Variants in STX1B observed in about 807,000 individuals in gnomAD.
The protein encoded by STX1B is syntaxin 1B, also known as syntaxin-1B.
Under a neutral mutation model 39.4 loss-of-function variants are expected in STX1B, and 7 were observed. The ratio of observed to expected loss-of-function variants is 0.18; its 90% CI spans 0.10 to 0.33. The LOEUF (loss-of-function observed/expected upper bound fraction) is 0.33, where lower values mean the gene tolerates loss of function less well. Ranked by LOEUF, STX1B falls within the 10% of genes least tolerant of loss-of-function variation. STX1B has a pLI of 1.00. For synonymous variants in STX1B, 136 were observed against 144.1 expected, an observed-to-expected ratio of 0.94 and a Z score of 0.40; for missense variants, 198 against 383.2, an observed-to-expected ratio of 0.52 and a Z score of 4.04.
At chr16:30,998,054 T>C (rs941653046) in intron 4 of STX1B, among the ~76,000 whole-genome samples, 4 of 152,210 alleles carry the variant, frequency 2.6e-5, no homozygotes, top group African/African-American at 9.7e-5. Context: ...TGGCCCCTCT[T>C]TCCCAGGGGA....
intron 1 of STX1B, among the ~76,000 whole-genome samples, chr16:31,008,609 G>T (rs1476953282): frequency 2.0e-5 from 3 of 152,136 alleles, no homozygotes; most frequent in Non-Finnish European, 2.9e-5. Flanking sequence ...ACCACTCTGG[G>T]CCTCAGTTTC....
In STX1B at chr16:31,001,642, C is replaced by A. The variant is rs781298505; in HGVS notation, c.31-39G>T. 3 of 1,563,498 alleles carry A rather than the reference C, an allele frequency of 1.9e-6. No homozygotes were observed. Among genetic ancestry groups the A allele is most frequent in the South Asian group, 2.3e-5 (2 of 88,104 alleles). On this transcript the variant is annotated intron_variant, in intron 1 of 9. Coordinates refer to ENST00000215095, the MANE Select transcript of STX1B (RefSeq NM_052874.5). The surrounding 1 kb of genome is among the most constrained non-coding windows in gnomAD (Gnocchi z 5.5). ...AGGCTGAGTCCATGAGCAGGCCCTA[C>A]CTGGGTCCCCAAGGCTGGCTCTCCA...
rs1346516187 is a variant in STX1B, at chr16:30,992,063, A to G, written c.*758T>C. On this transcript the variant is annotated 3_prime_UTR_variant, in exon 10 of 10. Transcript: ENST00000215095. ...AGTGTGGAGGGCTCTATCTGAGAAG[A>G]CCTATCAATACTTCAGGCACATCCT... is the stretch of plus-strand genomic sequence containing the variant. The G allele has an allele frequency of 1.3e-5, 2 of 150,286 alleles. No individual in the cohort carries two copies. The highest frequency in any genetic ancestry group is 4.9e-5 in the African/African-American group (2 of 40,952). 9.3% of individuals were successfully genotyped at this position (150,286 alleles called of 1,614,324 possible). A position where few individuals can be genotyped will look rare whatever the true frequency, so the allele number is the denominator to read the frequency against.
In STX1B at chr16:30,991,152, C is replaced by T. The variant is rs2056555075; in HGVS notation, c.*1669G>A. On this transcript the variant is annotated 3_prime_UTR_variant, in exon 10 of 10. Transcript: ENST00000215095. ...CATCAGTAACATTCCTACAAGTAGC[C>T]CTTTCCTTCCAGGAGGCATTCGTGT... is the stretch of plus-strand genomic sequence containing the variant. 6.5e-6 allele frequency: 1 copy of T among 152,730 alleles called. No individual in the cohort carries two copies. Among genetic ancestry groups the T allele is most frequent in the Non-Finnish European group, 1.5e-5 (1 of 68,080 alleles). 9.5% of individuals were successfully genotyped at this position (152,730 alleles called of 1,614,324 possible).
chr16:31,000,956 C>G lies in STX1B; in HGVS notation c.252G>C (p.Thr84=). Residue 84 remains threonine (T), a synonymous_variant, in exon 4 of 10, where the codon ACG becomes ACC. Transcript: ENST00000215095. ...TCAATTTGGACCGAACCTTGTTGGCCGTCTTCTTGATGTCTGCAGTGAGAT... is the reference window on the plus strand; with the variant it reads ...TCAATTTGGACCGAACCTTGTTGGCGGTCTTCTTGATGTCTGCAGTGAGAT... ...LEDLTADIKK[T]ANKVRSKLKA... 1 of 1,614,112 alleles carries G rather than the reference C, an allele frequency of 6.2e-7. No individual in the cohort carries two copies.
At chr16:30,994,892 C>CTTTTTTTTTTTTTTTTTTTTTTTTT (rs10524041) in intron 7 of STX1B, among the ~76,000 whole-genome samples, 210 of 99,788 alleles carry the variant, frequency 2.1e-3, no homozygotes, top group Middle Eastern at 8.8e-3. Context: ...GTCTCCCCGT[C>CTTTTTTTTTTTTTTTTTTTTTTTTT]TTTTTTTTTT....
Position 31,000,957 on chromosome 16 carries a change from G to T in STX1B, c.251C>A (p.Thr84Lys), listed in dbSNP as rs778653532. The T allele has an allele frequency of 6.2e-7, 1 of 1,614,134 alleles. No individual in the cohort carries two copies. Among genetic ancestry groups the T allele is most frequent in the East Asian group, 2.2e-5 (1 of 44,880 alleles). ...CAATTTGGACCGAACCTTGTTGGCC[G>T]TCTTCTTGATGTCTGCAGTGAGATC... ...LEDLTADIKK[T>K]ANKVRSKLKA... Residue 84 changes from threonine to lysine, a missense_variant, in exon 4 of 10, where the codon ACG becomes AAG. By Grantham distance (78) the Thr-to-Lys change is moderately conservative (BLOSUM62 -1). Transcript: ENST00000215095.
rs1178891042 is a variant in STX1B at position 30,991,190 on chromosome 16, C to T, written c.*1631G>A. ...GAGGCATTCGTGTGATCCCCGCACC[C>T]ATGCCAGCGTGCATGGTTTGTGCCT... is the stretch of plus-strand genomic sequence containing the variant. On this transcript the variant is annotated 3_prime_UTR_variant, in exon 10 of 10. Transcript: ENST00000215095. The T allele has an allele frequency of 2.0e-5, 3 of 152,736 alleles. No individual in the cohort carries two copies. Among genetic ancestry groups the T allele is most frequent in the Admixed American group, 6.5e-5 (1 of 15,290 alleles). 9.5% of individuals were successfully genotyped at this position (152,736 alleles called of 1,614,324 possible).
intron 1 of STX1B, among the ~76,000 whole-genome samples, chr16:31,007,004 G>A (rs906791370): frequency 2.6e-5 from 4 of 152,152 alleles, no homozygotes; most frequent in East Asian, 1.9e-4. Context: ...CCAGCTACTC[G>A]AGAGGCTGTG....
At chr16:31,000,439 T>C (rs1217898128) in intron 4 of STX1B, among the ~76,000 whole-genome samples, 1 of 151,806 alleles carries the variant, frequency 6.6e-6, no homozygotes, top group Non-Finnish European at 1.5e-5. Context: ...CTCAAGCGAT[T>C]CTTGTGCCTC....
chr16:30,992,951 C>T lies in STX1B; in HGVS notation c.787-50G>A, dbSNP rs1323407516. 2.0e-6 allele frequency: 3 copies of T among 1,512,256 alleles called. No individual in the cohort carries two copies. The South Asian group carries it at 3.4e-5, about 17-fold the overall frequency. The allele number at this position is 1,512,256 out of a possible 1,614,324, so 93.7% of individuals were successfully genotyped here. On this transcript the variant is annotated intron_variant, in intron 9 of 9. Coordinates refer to ENST00000215095, the MANE Select transcript of STX1B (RefSeq NM_052874.5). ...AGGCAGACAGTGAGAGAGATCGACACACGGACAGATGCAGGGACAGACAGG... is the reference window on the plus strand; with the variant it reads ...AGGCAGACAGTGAGAGAGATCGACATACGGACAGATGCAGGGACAGACAGG...
intron 4 of STX1B, among the ~76,000 whole-genome samples, chr16:30,998,278 C>G (rs191613306): frequency 8.3e-4 from 127 of 152,352 alleles, no homozygotes; most frequent in East Asian, 5.8e-3. Context: ...TCGGTGAGAT[C>G]AGAAAATGCA....
At position 30,990,246 on chromosome 16, in the gene STX1B, A is replaced by AGGGGACT. The variant is rs1452956757; in HGVS notation, c.*2568_*2574dup. 1 of 152,334 alleles carries AGGGGACT rather than the reference A, an allele frequency of 6.6e-6. No homozygotes were observed. The highest frequency in any genetic ancestry group is 1.9e-4 in the East Asian group (1 of 5,186). The allele number at this position is 152,334 out of a possible 1,614,324, so 9.4% of individuals were successfully genotyped here. A position where few individuals can be genotyped will look rare whatever the true frequency, so the allele number is the denominator to read the frequency against. On this transcript the variant is annotated 3_prime_UTR_variant, in exon 10 of 10. Transcript: ENST00000215095. The stretch of plus-strand genomic sequence containing the variant: ...GGGGTCCTGTCCAGGCGGCCGGAAG[A>AGGGGACT]GGGGACTGGGGGCTGGGGCCTGCTC...
intron 7 of STX1B, among the ~76,000 whole-genome samples, chr16:30,994,121 T>C (rs1340356209): frequency 1.3e-5 from 2 of 150,240 alleles, no homozygotes; most frequent in Admixed American, 1.3e-4. Flanking sequence ...TGAAACTCCG[T>C]CTCTACTAAA....
At position 30,992,641 on chromosome 16, in the gene STX1B, CG is replaced by C. The variant is rs56353515; in HGVS notation, c.*179del. ...GCCTGCTGCGATCTACGTGCGGGGACGGGGGGGGGGTCCATGGCCCGGTGAG... is the reference window on the plus strand; with the variant it reads ...GCCTGCTGCGATCTACGTGCGGGGACGGGGGGGGGTCCATGGCCCGGTGAG... On this transcript the variant is annotated 3_prime_UTR_variant, in exon 10 of 10. Coordinates refer to ENST00000215095, the MANE Select transcript of STX1B (RefSeq NM_052874.5). 0.76 allele frequency: 309,156 copies of C among 409,124 alleles called. 115,176 individuals carry two copies. Among genetic ancestry groups the C allele is most frequent in the East Asian group, 0.93 (24,987 of 26,828 alleles). 25.3% of individuals were successfully genotyped at this position (409,124 alleles called of 1,614,324 possible).
In STX1B at chr16:30,996,749, C is replaced by T; in HGVS notation, c.471G>A (p.Arg157=). ...CTTCCAGTTCTTCGTTGGTGGTGGT[C>T]CTTCCAGCTGCGGGAAGAAAGGACT... ...RIQRQLEITG[R]TTTNEELEDM... is the part of the protein sequence containing the mutation. The change falls in exon 7 of 10, where the codon AGG becomes AGA. Residue 157 remains arginine (R), a synonymous_variant. Coordinates refer to ENST00000215095, the MANE Select transcript of STX1B (RefSeq NM_052874.5). 1.9e-6 allele frequency: 3 copies of T among 1,614,108 alleles called. No individual in the cohort carries two copies. Among genetic ancestry groups the T allele is most frequent in the Non-Finnish European group, 2.5e-6 (3 of 1,179,934 alleles).
At chr16:31,000,818 T>C in intron 4 of STX1B, 110 bp downstream of exon 4, 2 of 1,090,880 alleles carry the variant, frequency 1.8e-6, no homozygotes, top group Non-Finnish European at 1.4e-6. Context: ...AGGCTGGTGT[T>C]GAACTCCTGG....
chr16:30,998,304 C>T lies in STX1B; in HGVS notation c.281-729G>A, dbSNP rs565728151. The stretch of plus-strand genomic sequence containing the variant: ...AGAAAATGCAGCAGGGATGAATCAC[C>T]GGCCCTCTCAGACCTCACCAGCCTC... On this transcript the variant is annotated intron_variant, in intron 4 of 9. Transcript: ENST00000215095. 1.4e-4 allele frequency among the ~76,000 whole-genome samples: 22 copies of T among 152,352 alleles called. No homozygotes were observed. The East Asian group carries it at 1.7e-3, about 12-fold the overall frequency.
intron 4 of STX1B, among the ~76,000 whole-genome samples, chr16:30,997,825 G>A (rs1458911747): frequency 6.6e-6 from 1 of 152,250 alleles, no homozygotes; most frequent in Non-Finnish European, 1.5e-5. Flanking sequence ...TCACCAGACA[G>A]AAGGGGGCTA....
Sources: allele counts gnomAD v4.1 joint callset (sites outside exome capture counted in the v4.1 genomes callset), GRCh38; gene constraint gnomAD v4.1.1; non-coding constraint Gnocchi (gnomAD v3.1); transcripts MANE v1.5; gene names NCBI Gene and HGNC (gene_info 2026-07-23, HGNC 2026-07-21).